Variants in LYRM4 observed in about 807,000 individuals in gnomAD.
LYRM4 encodes the protein LYR motif containing 4.
Under a neutral mutation model 11.7 loss-of-function variants are expected in LYRM4, and 9 were observed. The observed-to-expected ratio is 0.77, with a 90% CI of 0.46 to 1.34. The LOEUF (loss-of-function observed/expected upper bound fraction) is 1.34. Among genes scored for constraint, LYRM4 ranks in the 40% most tolerant of loss-of-function variants. The pLI, the probability that LYRM4 is intolerant of heterozygous loss-of-function variation, is 0.00. For synonymous variants in LYRM4, 42 were observed against 40.4 expected, an observed-to-expected ratio of 1.04 and a Z score of -0.15; for missense variants, 133 against 112.5, an observed-to-expected ratio of 1.18 and a Z score of -0.82.
chr6:5,235,621 ACAT>A (rs1763496343), intron 1 of LYRM4, among the ~76,000 whole-genome samples: 4 of 152,252 alleles, frequency 2.6e-5, no homozygotes, highest in Non-Finnish European at 5.9e-5. Context: ...TCAGCATATT[ACAT>A]TCAACATTTG....
In LYRM4 at chr6:5,123,089, C is replaced by T. The variant is rs188194363; in HGVS notation, c.208-13598G>A. Among the ~76,000 whole-genome samples, 300 of 152,330 alleles carry T rather than the reference C, an allele frequency of 2.0e-3. 1 individual carries two copies. Among genetic ancestry groups the T allele is most frequent in the Non-Finnish European group, 9.7e-4 (66 of 68,036 alleles). On this transcript the variant is annotated intron_variant, in intron 2 of 2. Transcript: ENST00000330636. ...AACTACCTGGGCTCCTTTGTCTCCC[C>T]CCACCCAGAAGTCAGGCTGAAGGGA...
At chr6:5,184,364 A>G (rs1475100819) in intron 2 of LYRM4, among the ~76,000 whole-genome samples, 1 of 152,198 alleles carries the variant, frequency 6.6e-6, no homozygotes, top group Non-Finnish European at 1.5e-5. Context: ...CTTTAAGAGA[A>G]AAGAAGTTGA....
Position 5,245,163 on chromosome 6 carries a change from T to TAA in LYRM4, c.86+15483_86+15484dup, listed in dbSNP as rs1554145199. Among the ~76,000 whole-genome samples, 620 of 65,104 alleles carry TAA rather than the reference T, an allele frequency of 9.5e-3. 36 individuals are homozygous for TAA. The highest frequency in any genetic ancestry group is 0.013 in the Non-Finnish European group (455 of 34,546). The allele number at this position is 65,104 out of a possible 152,430, so 42.7% of individuals were successfully genotyped here. ...ATATATATATATATATATATATATA[T>TAA]AAAATAGGTGAATTTCTGGAACAAA... On this transcript the variant is annotated intron_variant, in intron 1 of 2. Coordinates refer to ENST00000330636, the MANE Select transcript of LYRM4 (RefSeq NM_020408.6).
At chr6:5,069,480 A>T in the LYRM4 span, among the ~76,000 whole-genome samples, 21 of 149,274 alleles carry the variant, frequency 1.4e-4, no homozygotes, top group African/African-American at 2.0e-4. Flanking sequence ...TTATATATAT[A>T]TATTTTTTTG....
At chr6:5,141,935 A>AC (rs1392795467) in intron 2 of LYRM4, among the ~76,000 whole-genome samples, 1 of 152,162 alleles carries the variant, frequency 6.6e-6, no homozygotes, top group Non-Finnish European at 1.5e-5. Flanking sequence ...AGCAGAGCTG[A>AC]CCCACAAACG....
At chr6:5,258,566 AC>A (rs1276536295) in intron 1 of LYRM4, among the ~76,000 whole-genome samples, 1 of 152,202 alleles carries the variant, frequency 6.6e-6, no homozygotes, top group Non-Finnish European at 1.5e-5. Context: ...GAGGGAAGGG[AC>A]TTTTCCTGAA....
chr6:5,123,893 C>A (rs919365490), intron 2 of LYRM4, among the ~76,000 whole-genome samples: 1 of 152,186 alleles, frequency 6.6e-6, no homozygotes, highest in Admixed American at 6.5e-5. Flanking sequence ...GAGATGCACG[C>A]ACAGCTGCAC....
intron 2 of LYRM4, among the ~76,000 whole-genome samples, chr6:5,180,371 T>G (rs1479613946): frequency 2.0e-5 from 3 of 152,168 alleles, no homozygotes; most frequent in African/African-American, 7.2e-5. Context: ...AGTTTTCCTG[T>G]CAATATTCAG....
At chr6:5,122,782 C>T (rs953998182) in intron 2 of LYRM4, among the ~76,000 whole-genome samples, 4 of 152,230 alleles carry the variant, frequency 2.6e-5, no homozygotes, top group African/African-American at 9.6e-5. Flanking sequence ...CAGAGACAAA[C>T]GAGGCAGACA....
At chr6:5,138,043 C>A (rs1757189696) in intron 2 of LYRM4, among the ~76,000 whole-genome samples, 1 of 151,984 alleles carries the variant, frequency 6.6e-6, no homozygotes, top group Non-Finnish European at 1.5e-5. Context: ...CCACAAGTTG[C>A]AAAGAAAAAT....
At chr6:5,153,027 C>T (rs980314041) in intron 2 of LYRM4, among the ~76,000 whole-genome samples, 2 of 152,196 alleles carry the variant, frequency 1.3e-5, no homozygotes, top group Admixed American at 1.3e-4. Flanking sequence ...CTAATTCTGC[C>T]TCTGTGTCCC....
chr6:5,115,966 G>C (rs1763101060), intron 2 of LYRM4, among the ~76,000 whole-genome samples: 1 of 152,184 alleles, frequency 6.6e-6, no homozygotes, highest in African/African-American at 2.4e-5. Flanking sequence ...ATCGGTGACT[G>C]AGGGGAGGAG....
At chr6:5,085,602 C>T in the LYRM4 span, 1 of 1,546,858 alleles carries the variant, frequency 6.5e-7, no homozygotes. Flanking sequence ...AGGGTGGCGG[C>T]GACGGCGGTG....
chr6:5,101,946 C>T (rs1431685860), downstream of LYRM4, among the ~76,000 whole-genome samples: 1 of 90,106 alleles, frequency 1.1e-5, no homozygotes, highest in Non-Finnish European at 2.6e-5. Flanking sequence ...AACACGAAAA[C>T]ACTACATCCA....
At chr6:5,104,567 C>G (rs2127590445), downstream of LYRM4, 2 of 152,330 alleles carry the variant, frequency 1.3e-5, no homozygotes, top group South Asian at 4.1e-4. Flanking sequence ...TGAGCCACCA[C>G]ACCCAACTCC....
chr6:5,149,366 A>G (rs1223719127), intron 2 of LYRM4, among the ~76,000 whole-genome samples: 1 of 152,196 alleles, frequency 6.6e-6, no homozygotes, highest in African/African-American at 2.4e-5. Flanking sequence ...CCAGGTCCCC[A>G]GGACACAGAT....
intron 2 of LYRM4, among the ~76,000 whole-genome samples, chr6:5,164,727 G>C (rs891150733): frequency 2.6e-5 from 4 of 152,084 alleles, no homozygotes; most frequent in Non-Finnish European, 4.4e-5. Flanking sequence ...CAGCACTTTG[G>C]GAGGCCCAGG....
chr6:5,071,982 C>G, the LYRM4 span, among the ~76,000 whole-genome samples: 1 of 152,106 alleles, frequency 6.6e-6, no homozygotes, highest in African/African-American at 2.4e-5. Context: ...CTCTTCCCAC[C>G]CCCAACCTTC....
chr6:5,144,954 G>A (rs1561827664), intron 2 of LYRM4, among the ~76,000 whole-genome samples: 1 of 152,224 alleles, frequency 6.6e-6, no homozygotes, highest in East Asian at 1.9e-4. Context: ...CTAGCAATGA[G>A]CCCAAAGTGA....
Sources: allele counts gnomAD v4.1 joint callset (sites outside exome capture counted in the v4.1 genomes callset), GRCh38; gene constraint gnomAD v4.1.1; transcripts MANE v1.5; gene names NCBI Gene and HGNC (gene_info 2026-07-23, HGNC 2026-07-21).